The following ADAM23 variants were observed in gnomAD, a reference collection of about 807,000 sequenced individuals.
ADAM23 encodes ADAM metallopeptidase domain 23.
In ADAM23, 33 loss-of-function variants were observed where a neutral mutation model predicts 120.1. The ratio of observed to expected loss-of-function variants is 0.27; its 90% CI spans 0.21 to 0.37. The LOEUF is 0.37. Ranked by LOEUF, ADAM23 falls within the 10% of genes least tolerant of loss-of-function variation. ADAM23 has a pLI of 1.00. For synonymous variants in ADAM23, 367 were observed against 375.2 expected (o/e 0.98, Z 0.25); for missense variants, 862 against 1,058.2 (o/e 0.81, Z 2.57).
At chr2:206,610,777 A>C (rs1698811948) in intron 25 of ADAM23, among the ~76,000 whole-genome samples, 1 of 152,216 alleles carries the variant, frequency 6.6e-6, no homozygotes, top group Non-Finnish European at 1.5e-5. Flanking sequence ...GGCTATTTCT[A>C]CACTCCAGAA....
chr2:206,478,457 A>G (rs1296307598), intron 2 of ADAM23, among the ~76,000 whole-genome samples: 1 of 152,066 alleles, frequency 6.6e-6, no homozygotes, highest in African/African-American at 2.4e-5. Context: ...GGCATGATAA[A>G]TTGCTTCAGT....
intron 11 of ADAM23, among the ~76,000 whole-genome samples, 190 bp from the exon 12 acceptor site, chr2:206,560,938 T>A (rs1164792932): frequency 1.3e-5 from 2 of 152,228 alleles, no homozygotes; most frequent in Non-Finnish European, 2.9e-5. Context: ...CTTGCTCAAT[T>A]GAAATTACGT....
At chr2:206,491,413 C>T (rs570604320) in intron 3 of ADAM23, among the ~76,000 whole-genome samples, 4 of 152,134 alleles carry the variant, frequency 2.6e-5, no homozygotes, top group African/African-American at 4.8e-5. Flanking sequence ...GATCATATTA[C>T]ACTGTTTATC....
At chr2:206,607,366 A>G (rs1698748284) in intron 24 of ADAM23, among the ~76,000 whole-genome samples, 3 of 152,302 alleles carry the variant, frequency 2.0e-5, no homozygotes, top group Admixed American at 6.5e-5. Flanking sequence ...GGCCAGCTCC[A>G]TGCATGCATT....
intron 2 of ADAM23, among the ~76,000 whole-genome samples, chr2:206,472,610 CA>C (rs1695683165): frequency 3.4e-5 from 2 of 58,890 alleles, no homozygotes; most frequent in African/African-American, 8.1e-5. Context: ...GACTCCATCT[CA>C]GGGGAAAAAA....
At chr2:206,489,545 C>T (rs983599847) in intron 3 of ADAM23, among the ~76,000 whole-genome samples, 4 of 152,166 alleles carry the variant, frequency 2.6e-5, no homozygotes, top group African/African-American at 9.7e-5. Flanking sequence ...TTCCCAGTTT[C>T]AAGAGATCTG....
At chr2:206,533,332 G>T (rs894792864) in intron 4 of ADAM23, among the ~76,000 whole-genome samples, 3 of 151,994 alleles carry the variant, frequency 2.0e-5, no homozygotes, top group Admixed American at 6.6e-5. Context: ...CTCCCAAGTC[G>T]CTGGGATTAC....
Position 206,443,596 on chromosome 2 carries a change from A to G in ADAM23, c.-271A>G, listed in dbSNP as rs961386455. 8 of 145,884 alleles carry G rather than the reference A, an allele frequency of 5.5e-5. No individual in the cohort carries two copies. Among genetic ancestry groups the G allele is most frequent in the Admixed American group, 5.4e-4 (8 of 14,706 alleles). 9.0% of individuals were successfully genotyped at this position (145,884 alleles called of 1,614,324 possible). The stretch of plus-strand genomic sequence containing the variant: ...GGCCGCGCCCGCCGGGGGAGGGAGT[A>G]GCCGCTGGGGAGGCTCCAAGTTGGC... On this transcript the variant is annotated 5_prime_UTR_variant, in exon 1 of 26. Coordinates refer to ENST00000264377, the MANE Select transcript of ADAM23 (RefSeq NM_003812.4).
chr2:206,584,647 C>A lies in ADAM23; in HGVS notation c.1738-2678C>A, dbSNP rs1450069871. The stretch of plus-strand genomic sequence containing the variant: ...GAGTCTGAGCTCAGACACGCCTAGT[C>A]CTGTCCTTACCCGATGGTCCCAGCT... On this transcript the variant is annotated intron_variant, in intron 18 of 25. Coordinates refer to ENST00000264377, the MANE Select transcript of ADAM23 (RefSeq NM_003812.4). 1.3e-5 allele frequency among the ~76,000 whole-genome samples: 2 copies of A among 152,234 alleles called. 1 individual carries two copies. The highest frequency in any genetic ancestry group is 4.2e-4 in the South Asian group (2 of 4,818).
chr2:206,537,434 G>A (rs183438018), intron 4 of ADAM23, among the ~76,000 whole-genome samples: 2 of 152,158 alleles, frequency 1.3e-5, no homozygotes, highest in East Asian at 3.9e-4. Flanking sequence ...GTAAGGGAGG[G>A]TGGGCCCTGC....
chr2:206,494,295 C>T (rs1696191755), intron 3 of ADAM23, among the ~76,000 whole-genome samples: 1 of 152,204 alleles, frequency 6.6e-6, no homozygotes, highest in Admixed American at 6.5e-5. Flanking sequence ...GTCTGAGGCT[C>T]TCCCTTATTA....
intron 21 of ADAM23, 84 bp downstream of exon 21, chr2:206,589,598 A>T: frequency 8.9e-7 from 1 of 1,127,414 alleles, no homozygotes; most frequent in Middle Eastern, 2.1e-4. Context: ...AATAAATGCT[A>T]ATGATTTTTT....
intron 3 of ADAM23, among the ~76,000 whole-genome samples, chr2:206,522,131 A>G (rs141416549): frequency 8.5e-4 from 129 of 151,972 alleles, no homozygotes; most frequent in Admixed American, 1.6e-3. Flanking sequence ...ATGTAAATAT[A>G]TATGTATGTA....
chr2:206,455,002 C>A (rs868588728), intron 2 of ADAM23, among the ~76,000 whole-genome samples: 5 of 152,244 alleles, frequency 3.3e-5, no homozygotes, highest in Admixed American at 6.5e-5. Context: ...CAGTAACTCT[C>A]TTCTCACAGC....
At position 206,610,010 on chromosome 2, in the gene ADAM23, G is replaced by A. The variant is rs368939696; in HGVS notation, c.2450+10G>A. On this transcript the variant is annotated intron_variant, in intron 25 of 25. Transcript: ENST00000264377. Reference sequence around the variant, plus strand: ...CAGGCTGGGGATTTAAGTAAGCAACGCCGCATGTCTTCTTCTCAGTGGCTC... The same window carrying A: ...CAGGCTGGGGATTTAAGTAAGCAACACCGCATGTCTTCTTCTCAGTGGCTC... 2.3e-5 allele frequency: 36 copies of A among 1,555,282 alleles called. No individual in the cohort carries two copies. In the Middle Eastern group the frequency reaches 5.1e-4, roughly 22 times the overall value.
At chr2:206,446,040 G>T (rs899541289) in intron 2 of ADAM23, among the ~76,000 whole-genome samples, 1 of 152,146 alleles carries the variant, frequency 6.6e-6, no homozygotes, top group African/African-American at 2.4e-5. Flanking sequence ...ATTTTCTGTT[G>T]TATTTTCAAT....
intron 3 of ADAM23, among the ~76,000 whole-genome samples, chr2:206,511,574 C>G (rs569068799): frequency 6.6e-6 from 1 of 152,246 alleles, no homozygotes; most frequent in South Asian, 2.1e-4. Context: ...GGGGCATAAT[C>G]AGGACAGTGG....
chr2:206,552,023 A>G (rs1408129852), intron 9 of ADAM23, among the ~76,000 whole-genome samples: 1 of 152,128 alleles, frequency 6.6e-6, no homozygotes, highest in Admixed American at 6.6e-5. Flanking sequence ...AAACCCCAAG[A>G]TAGTTTTTTT....
intron 25 of ADAM23, 37 bp from the exon 26 acceptor site, chr2:206,617,542 C>T (rs766414355): frequency 5.0e-5 from 78 of 1,573,954 alleles, no homozygotes; most frequent in Non-Finnish European, 6.6e-5. Context: ...TGGATTTTCC[C>T]CCTCTGCTTG....
Sources: gnomAD v4.1 joint callset for allele counts (sites outside exome capture counted in the v4.1 genomes callset) on GRCh38, gnomAD v4.1.1 for gene constraint, MANE v1.5 for transcripts, NCBI Gene and HGNC (gene_info 2026-07-23, HGNC 2026-07-21) for gene names.